Variants in PDE1A observed in about 807,000 individuals in gnomAD.
PDE1A encodes phosphodiesterase 1A.
Under a neutral mutation model 61.7 loss-of-function variants are expected in PDE1A, and 35 were observed. The ratio of observed to expected loss-of-function variants is 0.57; its 90% CI spans 0.43 to 0.75. The LOEUF is 0.75. Among genes scored for constraint, PDE1A ranks in the 30% least tolerant of loss-of-function variants. The pLI, the probability that PDE1A is intolerant of heterozygous loss-of-function variation, is 0.00. For synonymous variants in PDE1A, 232 were observed against 213.2 expected (o/e 1.09, Z -0.77); for missense variants, 597 against 630.6 (o/e 0.95, Z 0.57).
At chr2:182,228,492 A>G (rs948143610) in intron 6 of PDE1A, among the ~76,000 whole-genome samples, 1 of 152,144 alleles carries the variant, frequency 6.6e-6, no homozygotes, top group Admixed American at 6.6e-5. Flanking sequence ...GAGGGGTGAG[A>G]AAGAACTAAA....
intron 3 of PDE1A, among the ~76,000 whole-genome samples, chr2:182,236,967 CA>C (rs1690070227): frequency 6.6e-6 from 1 of 152,078 alleles, no homozygotes. Context: ...AGAAATAGAA[CA>C]CTAAGATGGA....
At chr2:182,691,701 G>C in the PDE1A span, among the ~76,000 whole-genome samples, 1 of 152,116 alleles carries the variant, frequency 6.6e-6, no homozygotes, top group Non-Finnish European at 1.5e-5. Flanking sequence ...AAACTAAAGA[G>C]CTTCTGCACA....
rs1553548533 is a variant in PDE1A, at chr2:182,238,277, A to AAG, written c.350+1832_350+1833insCT. ...GAGCCAGACTACGTCAAAAAAAAAA[A>AAG]AAAAAGAAAAAGAAAAAGAAAAGAA... On this transcript the variant is annotated intron_variant, in intron 3 of 13. Coordinates refer to ENST00000351439, the Ensembl canonical transcript of PDE1A. Among the ~76,000 whole-genome samples, 37 of 150,808 alleles carry AAG rather than the reference A, an allele frequency of 2.5e-4. No individual in the cohort carries two copies. In the Middle Eastern group the frequency reaches 0.01, roughly 42 times the overall value.
At chr2:182,527,695 T>G (rs2125996877), upstream of PDE1A, among the ~76,000 whole-genome samples, 1 of 152,310 alleles carries the variant, frequency 6.6e-6, no homozygotes, top group East Asian at 1.9e-4. Flanking sequence ...TAATATGGTT[T>G]GGCTGTGTTC....
chr2:182,192,778 A>T (rs1220793822), intron 10 of PDE1A, among the ~76,000 whole-genome samples: 1 of 152,058 alleles, frequency 6.6e-6, no homozygotes. Context: ...ACCTGTCTTT[A>T]CAATTCCCTG....
intron 10 of PDE1A, among the ~76,000 whole-genome samples, chr2:182,200,781 C>T (rs999580730): frequency 1.3e-5 from 2 of 152,128 alleles, no homozygotes; most frequent in Non-Finnish European, 2.9e-5. Flanking sequence ...TGAAGTAGAG[C>T]CAATCTTGTG....
chr2:182,555,582 T>A, the PDE1A span, among the ~76,000 whole-genome samples: 2 of 152,212 alleles, frequency 1.3e-5, no homozygotes, highest in African/African-American at 4.8e-5. Flanking sequence ...AATTTTACAC[T>A]GAGAAAATTT....
chr2:182,202,723 T>C (rs536423019), intron 8 of PDE1A, among the ~76,000 whole-genome samples: 1 of 152,282 alleles, frequency 6.6e-6, no homozygotes, highest in African/African-American at 2.4e-5. Context: ...AAGAGAGCCA[T>C]TGGTATTACT....
chr2:182,659,420 G>C, the PDE1A span, among the ~76,000 whole-genome samples: 1 of 152,092 alleles, frequency 6.6e-6, no homozygotes, highest in Non-Finnish European at 1.5e-5. Context: ...ATAAATGATA[G>C]GGCATAATAG....
intron 2 of PDE1A, among the ~76,000 whole-genome samples, chr2:182,453,316 CA>C (rs1447813884): frequency 1.3e-5 from 2 of 151,914 alleles, no homozygotes; most frequent in Non-Finnish European, 2.9e-5. Context: ...CCACTTGATG[CA>C]GGCCATTTTT....
chr2:182,546,106 C>T, the PDE1A span, among the ~76,000 whole-genome samples: 1 of 152,172 alleles, frequency 6.6e-6, no homozygotes, highest in Non-Finnish European at 1.5e-5. Context: ...AAAAGTGTCT[C>T]CCCTTGTTAC....
the PDE1A span, among the ~76,000 whole-genome samples, chr2:182,709,734 T>A: frequency 4.6e-5 from 7 of 152,132 alleles, no homozygotes; most frequent in African/African-American, 1.7e-4. Flanking sequence ...TTGTATTGAG[T>A]TTTGATTTAT....
At chr2:182,555,892 G>A in the PDE1A span, among the ~76,000 whole-genome samples, 23 of 144,086 alleles carry the variant, frequency 1.6e-4, no homozygotes, top group Admixed American at 3.7e-4. Context: ...GCTTGGACCC[G>A]GGAGGCAGAG....
At chr2:182,715,071 T>A in the PDE1A span, among the ~76,000 whole-genome samples, 3 of 152,164 alleles carry the variant, frequency 2.0e-5, no homozygotes, top group African/African-American at 7.2e-5. Context: ...CCCTGCTTCA[T>A]CTTCCAGTTT....
At chr2:182,473,355 G>A (rs182361925) in intron 2 of PDE1A, among the ~76,000 whole-genome samples, 2,344 of 151,862 alleles carry the variant, frequency 0.015, 40 homozygotes, top group Non-Finnish European at 0.027. Flanking sequence ...TACAAAATGG[G>A]AGAAAATTTT....
At chr2:182,250,391 A>G (rs544653345) in intron 2 of PDE1A, among the ~76,000 whole-genome samples, 3 of 152,214 alleles carry the variant, frequency 2.0e-5, no homozygotes, top group Non-Finnish European at 2.9e-5. Flanking sequence ...GGATGGAAAT[A>G]GGTAATACAT....
intron 2 of PDE1A, among the ~76,000 whole-genome samples, chr2:182,494,888 T>A (rs1461509511): frequency 6.6e-6 from 1 of 152,200 alleles, no homozygotes; most frequent in Non-Finnish European, 1.5e-5. Flanking sequence ...TGAATTTGTC[T>A]CTTGTGAGAT....
At chr2:182,367,912 T>C (rs1380166966) in intron 1 of PDE1A, among the ~76,000 whole-genome samples, 1 of 152,116 alleles carries the variant, frequency 6.6e-6, no homozygotes, top group East Asian at 1.9e-4. Flanking sequence ...TAGAACTTGA[T>C]CATTTGGTAG....
intron 1 of PDE1A, among the ~76,000 whole-genome samples, chr2:182,350,630 A>T (rs2125099159): frequency 6.6e-6 from 1 of 152,256 alleles, no homozygotes; most frequent in Admixed American, 6.5e-5. Flanking sequence ...TTTAATTGCT[A>T]TATAATTATA....
Sources: allele counts gnomAD v4.1 joint callset (sites outside exome capture counted in the v4.1 genomes callset), GRCh38; gene constraint gnomAD v4.1.1; transcripts MANE v1.5; gene names NCBI Gene and HGNC (gene_info 2026-07-23, HGNC 2026-07-21).